The following CHCHD3 variants were observed in gnomAD, a reference collection of about 807,000 sequenced individuals.
The protein encoded by CHCHD3 is coiled-coil-helix-coiled-coil-helix domain containing 3, also known as MICOS complex subunit MIC19.
Under a neutral mutation model 38.2 loss-of-function variants are expected in CHCHD3, and 20 were observed. The ratio of observed to expected loss-of-function variants is 0.52; its 90% CI spans 0.37 to 0.76. The LOEUF (loss-of-function observed/expected upper bound fraction) is 0.76, where lower values mean the gene tolerates loss of function less well. Ranked by LOEUF, CHCHD3 falls within the 30% of genes least tolerant of loss-of-function variation. CHCHD3 has a pLI of 0.00. For synonymous variants in CHCHD3, 82 were observed against 100.0 expected (o/e 0.82, Z 1.07); for missense variants, 245 against 279.2 (o/e 0.88, Z 0.87).
intron 4 of CHCHD3, among the ~76,000 whole-genome samples, chr7:132,957,353 G>A (rs1231436584): frequency 1.3e-5 from 2 of 152,202 alleles, no homozygotes; most frequent in African/African-American, 4.8e-5. Flanking sequence ...GTAGGAGCTA[G>A]GGCCCTAAAA....
chr7:132,866,410 T>C (rs1427278662), intron 5 of CHCHD3, among the ~76,000 whole-genome samples: 1 of 152,236 alleles, frequency 6.6e-6, no homozygotes, highest in Admixed American at 6.5e-5. Flanking sequence ...AAAGGTTTAA[T>C]TAAGTAACTC....
chr7:133,063,853 C>G (rs1814592044), intron 2 of CHCHD3, among the ~76,000 whole-genome samples: 1 of 152,118 alleles, frequency 6.6e-6, no homozygotes, highest in South Asian at 2.1e-4. Flanking sequence ...CCATGAGACC[C>G]TACAAGAAAC....
At chr7:132,890,722 T>A (rs1809339868) in intron 4 of CHCHD3, among the ~76,000 whole-genome samples, 1 of 152,152 alleles carries the variant, frequency 6.6e-6, no homozygotes, top group Non-Finnish European at 1.5e-5. Flanking sequence ...AGCCAGAGAT[T>A]ACTAGGATTT....
At chr7:132,827,364 G>A (rs749781084) in intron 6 of CHCHD3, among the ~76,000 whole-genome samples, 5 of 152,154 alleles carry the variant, frequency 3.3e-5, no homozygotes, top group Non-Finnish European at 5.9e-5. Context: ...ATCCATTTAT[G>A]TTTCATATAT....
At chr7:132,975,132 T>C (rs1174238793) in intron 4 of CHCHD3, 37 bp downstream of exon 4, 6 of 1,511,730 alleles carry the variant, frequency 4.0e-6, no homozygotes, top group Middle Eastern at 2.3e-4. Flanking sequence ...GATTTCCTTG[T>C]AGGCAAGAAA....
intron 4 of CHCHD3, among the ~76,000 whole-genome samples, chr7:132,925,253 G>A (rs1810346586): frequency 6.6e-6 from 1 of 152,052 alleles, no homozygotes; most frequent in African/African-American, 2.4e-5. Context: ...AAAAAAAAAG[G>A]AGGGAGACAG....
intron 4 of CHCHD3, among the ~76,000 whole-genome samples, chr7:132,908,570 A>G (rs187425803): frequency 9.9e-5 from 15 of 152,278 alleles, no homozygotes; most frequent in Non-Finnish European, 1.6e-4. Context: ...TTAAAACTCT[A>G]GACTCTCCTC....
chr7:132,973,189 A>G, intron 4 of CHCHD3: 1 of 985,422 alleles, frequency 1.0e-6, no homozygotes, highest in Non-Finnish European at 1.2e-6. Context: ...AGAGTGCTTC[A>G]AAGATAAGAT....
At chr7:132,841,434 A>C (rs73724112) in intron 5 of CHCHD3, among the ~76,000 whole-genome samples, 1,866 of 151,910 alleles carry the variant, frequency 0.012, 41 homozygotes, top group African/African-American at 0.039. Context: ...ACAACAAAAA[A>C]AAAAAAACAA....
intron 5 of CHCHD3, among the ~76,000 whole-genome samples, chr7:132,872,733 A>G (rs1562891975): frequency 1.3e-5 from 2 of 152,116 alleles, no homozygotes; most frequent in Non-Finnish European, 2.9e-5. Context: ...GCTGAGGGAA[A>G]CTCAGTTGAG....
intron 5 of CHCHD3, among the ~76,000 whole-genome samples, chr7:132,853,436 C>A (rs1041893098): frequency 6.6e-6 from 1 of 152,104 alleles, no homozygotes; most frequent in South Asian, 2.1e-4. Context: ...TCCTGGCCAA[C>A]ATGGTGAAAC....
At chr7:133,036,129 A>T in intron 2 of CHCHD3, 1 of 603,428 alleles carries the variant, frequency 1.7e-6, no homozygotes, top group Non-Finnish European at 3.0e-6. Context: ...ACCCTCCCCA[A>T]CTCTCACCCC....
intron 4 of CHCHD3, among the ~76,000 whole-genome samples, chr7:132,906,998 T>G (rs934782578): frequency 1.3e-5 from 2 of 152,184 alleles, no homozygotes; most frequent in African/African-American, 4.8e-5. Context: ...GCATTCTGAA[T>G]GTGTCTCTTC....
intron 4 of CHCHD3, among the ~76,000 whole-genome samples, chr7:132,906,818 G>A (rs982123767): frequency 6.6e-6 from 1 of 152,130 alleles, no homozygotes; most frequent in East Asian, 1.9e-4. Context: ...GAGATGAAAC[G>A]TAACATAAAA....
chr7:132,891,803 G>T (rs1456077829), intron 4 of CHCHD3, among the ~76,000 whole-genome samples: 2 of 152,146 alleles, frequency 1.3e-5, no homozygotes, highest in African/African-American at 4.8e-5. Flanking sequence ...TGCTATTCTT[G>T]TGATAGTGAG....
intron 3 of CHCHD3, among the ~76,000 whole-genome samples, chr7:133,008,970 C>CAA (rs34312085): frequency 3.9e-5 from 5 of 127,998 alleles, no homozygotes; most frequent in African/African-American, 1.1e-4. Context: ...CAAAAAAGAC[C>CAA]AAAAAAAAAA....
intron 2 of CHCHD3, among the ~76,000 whole-genome samples, chr7:133,036,885 C>T (rs915739071): frequency 6.6e-6 from 1 of 152,146 alleles, no homozygotes; most frequent in Non-Finnish European, 1.5e-5. Context: ...ATATATTCTT[C>T]AGAATGTCAA....
Position 133,024,440 on chromosome 7 carries a change from T to C in CHCHD3, c.251+106A>G, listed in dbSNP as rs945129170. On this transcript the variant is annotated intron_variant, in intron 3 of 7. Coordinates refer to ENST00000262570, the MANE Select transcript of CHCHD3 (RefSeq NM_017812.4). Reference sequence around the variant, plus strand: ...TCATGTGTTCAGCACATTCTGAAGTTCAGTCATACACAAATAATGAGACTT... The same window carrying C: ...TCATGTGTTCAGCACATTCTGAAGTCCAGTCATACACAAATAATGAGACTT... The C allele has an allele frequency of 3.9e-5, 34 of 878,294 alleles. No individual in the cohort carries two copies. In the Admixed American group the frequency reaches 6.3e-4, roughly 16 times the overall value. The allele number at this position is 878,294 out of a possible 1,614,324, so 54.4% of individuals were successfully genotyped here. A position where few individuals can be genotyped will look rare whatever the true frequency, so the allele number is the denominator to read the frequency against.
chr7:132,792,232 T>A (rs941226208), intron 7 of CHCHD3, among the ~76,000 whole-genome samples: 1 of 152,178 alleles, frequency 6.6e-6, no homozygotes, highest in South Asian at 2.1e-4. Flanking sequence ...ATGAAAGGCA[T>A]CACGATCCAG....
Sources: gnomAD v4.1 joint callset for allele counts (sites outside exome capture counted in the v4.1 genomes callset) on GRCh38, gnomAD v4.1.1 for gene constraint, MANE v1.5 for transcripts, NCBI Gene and HGNC (gene_info 2026-07-23, HGNC 2026-07-21) for gene names.